SNX29: variants seen among roughly 807,000 people sequenced by gnomAD.
SNX29 encodes the protein sorting nexin-29.
SNX29 carries 78 observed loss-of-function variants against 102.1 expected under a neutral mutation model. The ratio of observed to expected loss-of-function variants is 0.76; its 90% CI spans 0.64 to 0.92. The LOEUF is 0.92. Among genes scored for constraint, SNX29 ranks in the 40% least tolerant of loss-of-function variants. SNX29 has a pLI of 0.00. For synonymous variants in SNX29, 580 were observed against 414.5 expected (o/e 1.40, Z -4.85); for missense variants, 1,280 against 1,061.7 (o/e 1.21, Z -2.86).
intron 3 of SNX29, among the ~76,000 whole-genome samples, chr16:12,004,340 C>CAA (rs759151874): frequency 3.4e-5 from 4 of 119,310 alleles, no homozygotes; most frequent in African/African-American, 6.2e-5. Context: ...GATTCCATCT[C>CAA]AAAAAAAAAA....
At chr16:12,329,533 A>G (rs1596937829) in intron 15 of SNX29, among the ~76,000 whole-genome samples, 1 of 152,312 alleles carries the variant, frequency 6.6e-6, no homozygotes, top group South Asian at 2.1e-4. Flanking sequence ...GCTGGGAACT[A>G]GCCCTCCTCT....
At chr16:12,317,766 G>A (rs1408627081) in intron 15 of SNX29, among the ~76,000 whole-genome samples, 4 of 152,206 alleles carry the variant, frequency 2.6e-5, no homozygotes, top group Non-Finnish European at 4.4e-5. Flanking sequence ...TGTTAACTGG[G>A]TGACCCTGGA....
chr16:12,349,133 G>T (rs565985090), intron 15 of SNX29, among the ~76,000 whole-genome samples: 1 of 152,324 alleles, frequency 6.6e-6, no homozygotes, highest in African/African-American at 2.4e-5. Flanking sequence ...CTTTAGACAG[G>T]CCACTTGCCC....
chr16:12,507,659 T>G (rs573450599), intron 19 of SNX29, among the ~76,000 whole-genome samples: 36 of 152,334 alleles, frequency 2.4e-4, no homozygotes, highest in African/African-American at 7.9e-4. Context: ...GGACTGAAGC[T>G]GGAATGATTC....
intron 1 of SNX29, among the ~76,000 whole-genome samples, chr16:11,985,858 A>G (rs574086915): frequency 6.9e-6 from 1 of 144,242 alleles, no homozygotes; most frequent in African/African-American, 2.6e-5. Context: ...TTTGAGATAG[A>G]GTCTTGCTCT....
chr16:12,215,213 G>T (rs147068879), intron 14 of SNX29, among the ~76,000 whole-genome samples: 1 of 151,982 alleles, frequency 6.6e-6, no homozygotes, highest in Non-Finnish European at 1.5e-5. Flanking sequence ...GTCAGAGACC[G>T]GCTGGGCACG....
intron 19 of SNX29, among the ~76,000 whole-genome samples, chr16:12,500,051 G>T (rs2089036791): frequency 6.6e-6 from 1 of 151,952 alleles, no homozygotes; most frequent in African/African-American, 2.4e-5. Context: ...GAGTACAGTG[G>T]CGTGATCATA....
At chr16:12,327,553 G>C (rs1262925555) in intron 15 of SNX29, among the ~76,000 whole-genome samples, 2 of 152,130 alleles carry the variant, frequency 1.3e-5, no homozygotes, top group African/African-American at 4.8e-5. Context: ...GTCGTGTTGG[G>C]TTAGGGCCCA....
intron 15 of SNX29, among the ~76,000 whole-genome samples, chr16:12,310,208 C>T (rs1041007849): frequency 1.3e-5 from 2 of 152,202 alleles, no homozygotes; most frequent in African/African-American, 2.4e-5. Flanking sequence ...AGAGATCATA[C>T]ATGCATTGCA....
chr16:12,110,970 C>G (rs2053479479), intron 11 of SNX29, among the ~76,000 whole-genome samples: 1 of 152,038 alleles, frequency 6.6e-6, no homozygotes, highest in Non-Finnish European at 1.5e-5. Context: ...GTGCACGCTA[C>G]CACGCCTGGC....
chr16:12,352,691 G>A (rs563335719), intron 15 of SNX29, among the ~76,000 whole-genome samples: 7 of 152,294 alleles, frequency 4.6e-5, no homozygotes, highest in African/African-American at 1.2e-4. Flanking sequence ...ACTTCTGCTG[G>A]CTAGGTGGTG....
chr16:11,996,952 T>A (rs1357224720), intron 1 of SNX29, among the ~76,000 whole-genome samples: 1 of 152,186 alleles, frequency 6.6e-6, no homozygotes, highest in Non-Finnish European at 1.5e-5. Flanking sequence ...GTTGTTTTAT[T>A]GTGTGTCTCA....
At position 12,569,577 on chromosome 16, in the gene SNX29, C is replaced by T. The variant is rs772807041; in HGVS notation, c.*948C>T. On this transcript the variant is annotated 3_prime_UTR_variant, in exon 21 of 21. Coordinates refer to ENST00000566228, the MANE Select transcript of SNX29 (RefSeq NM_032167.5). ...AGATCATGTGTCTCTCCACTAAAAACATTTTCCATCCCGTCTGCCCCCGAC... is the reference window on the plus strand; with the variant it reads ...AGATCATGTGTCTCTCCACTAAAAATATTTTCCATCCCGTCTGCCCCCGAC... 8.7e-6 allele frequency: 2 copies of T among 230,586 alleles called. No homozygotes were observed. The highest frequency in any genetic ancestry group is 2.2e-5 in the African/African-American group (1 of 45,296). The allele number at this position is 230,586 out of a possible 1,614,324, so 14.3% of individuals were successfully genotyped here.
chr16:12,117,295 G>A (rs1277242741), intron 11 of SNX29, among the ~76,000 whole-genome samples: 11 of 129,366 alleles, frequency 8.5e-5, no homozygotes, highest in South Asian at 2.6e-4. Flanking sequence ...CGGACGAACC[G>A]TGGAAACAGG....
chr16:12,407,014 C>G lies in SNX29; in HGVS notation c.2037+3485C>G, dbSNP rs532789310. On this transcript the variant is annotated intron_variant, in intron 18 of 20. Transcript: ENST00000566228. ...GGCTCCTGTTCTGGACAGCACAGAT[C>G]TGGAACATTTACCCCACACACAGAG... Among the ~76,000 whole-genome samples, 8 of 152,380 alleles carry G rather than the reference C, an allele frequency of 5.3e-5. 1 individual carries two copies. In the East Asian group the frequency reaches 9.6e-4, roughly 18 times the overall value.
At chr16:12,417,661 C>T (rs543194774) in intron 18 of SNX29, among the ~76,000 whole-genome samples, 1 of 151,838 alleles carries the variant, frequency 6.6e-6, no homozygotes. Context: ...TCCCTCTTCC[C>T]TTCCTCCTCT....
At chr16:12,313,381 C>A (rs2151144120) in intron 15 of SNX29, among the ~76,000 whole-genome samples, 1 of 152,274 alleles carries the variant, frequency 6.6e-6, no homozygotes, top group South Asian at 2.1e-4. Context: ...TATGCCTACA[C>A]CCTGAGTTGT....
intron 14 of SNX29, among the ~76,000 whole-genome samples, chr16:12,247,794 T>C (rs1342711715): frequency 6.6e-6 from 1 of 152,230 alleles, no homozygotes; most frequent in Non-Finnish European, 1.5e-5. Flanking sequence ...GAAGTACTGT[T>C]GGAGAGTCTT....
intron 20 of SNX29, among the ~76,000 whole-genome samples, chr16:12,560,170 T>G (rs1260561366): frequency 2.1e-5 from 3 of 143,038 alleles, no homozygotes; most frequent in African/African-American, 5.5e-5. Context: ...CTTTCTCACT[T>G]TTTTTTAATT....
Sources: allele counts gnomAD v4.1 joint callset (sites outside exome capture counted in the v4.1 genomes callset), GRCh38; gene constraint gnomAD v4.1.1; transcripts MANE v1.5; gene names NCBI Gene and HGNC (gene_info 2026-07-23, HGNC 2026-07-21).